GNAQ: variants seen among roughly 807,000 people sequenced by gnomAD.
The protein encoded by GNAQ is G protein subunit alpha q, also known as guanine nucleotide-binding protein G(q) subunit alpha.
In GNAQ, 8 loss-of-function variants were observed where a neutral mutation model predicts 43.9. That is an observed-to-expected ratio of 0.18 (90% confidence interval 0.11 to 0.33). The LOEUF (loss-of-function observed/expected upper bound fraction) is 0.33, where lower values mean the gene tolerates loss of function less well. Ranked by LOEUF, GNAQ falls within the 10% of genes least tolerant of loss-of-function variation. GNAQ has a pLI of 1.00. For missense variants in GNAQ, 158 were observed against 450.8 expected, an observed-to-expected ratio of 0.35 and a Z score of 5.88; for synonymous variants, 155 against 170.7, an observed-to-expected ratio of 0.91 and a Z score of 0.71.
At chr9:77,823,139 C>T (rs1587932972) in intron 2 of GNAQ, among the ~76,000 whole-genome samples, 1 of 151,818 alleles carries the variant, frequency 6.6e-6, no homozygotes, top group African/African-American at 2.4e-5. Flanking sequence ...TGGGGTTTCA[C>T]CGTGTTAGCC....
chr9:78,005,676 A>T (rs1423939828), intron 1 of GNAQ, among the ~76,000 whole-genome samples: 1 of 152,174 alleles, frequency 6.6e-6, no homozygotes, highest in African/African-American at 2.4e-5. Context: ...AACTTGGTGC[A>T]GTAGTGCATG....
intron 5 of GNAQ, among the ~76,000 whole-genome samples, chr9:77,765,097 C>A (rs1213546059): frequency 6.6e-6 from 1 of 151,868 alleles, no homozygotes; most frequent in East Asian, 1.9e-4. Context: ...GGACATTTGG[C>A]TAACTTGAGC....
intron 2 of GNAQ, among the ~76,000 whole-genome samples, chr9:77,837,453 C>G (rs1357239204): frequency 1.3e-5 from 2 of 152,090 alleles, no homozygotes; most frequent in Non-Finnish European, 2.9e-5. Flanking sequence ...ACTCGGGTGG[C>G]TGAAGCAGGA....
At chr9:77,764,257 A>G (rs1265866131) in intron 5 of GNAQ, among the ~76,000 whole-genome samples, 1 of 152,166 alleles carries the variant, frequency 6.6e-6, no homozygotes, top group East Asian at 1.9e-4. Flanking sequence ...CTTAATTTAA[A>G]GATAAAGGCA....
intron 2 of GNAQ, among the ~76,000 whole-genome samples, chr9:77,817,210 C>T (rs1235541642): frequency 2.6e-5 from 4 of 152,190 alleles, no homozygotes; most frequent in African/African-American, 2.4e-5. Context: ...GAAAACAGAG[C>T]ATCACTGGCT....
At chr9:77,970,607 C>T (rs1015029004) in intron 1 of GNAQ, among the ~76,000 whole-genome samples, 1 of 152,112 alleles carries the variant, frequency 6.6e-6, no homozygotes, top group Non-Finnish European at 1.5e-5. Flanking sequence ...AAAGACACAG[C>T]GTACCAGAAT....
At chr9:77,981,854 T>C (rs1204140599) in intron 1 of GNAQ, among the ~76,000 whole-genome samples, 1 of 152,242 alleles carries the variant, frequency 6.6e-6, no homozygotes, top group African/African-American at 2.4e-5. Flanking sequence ...TTTACCTTGA[T>C]TGGAATTCCC....
At chr9:77,905,160 ATG>A (rs1226124456) in intron 2 of GNAQ, among the ~76,000 whole-genome samples, 1 of 152,244 alleles carries the variant, frequency 6.6e-6, no homozygotes, top group Non-Finnish European at 1.5e-5. Context: ...CATTCATTGA[ATG>A]TGGAACTTGG....
In GNAQ at chr9:77,736,265, G is replaced by A. The variant is rs185190898; in HGVS notation, c.736-7598C>T. Reference sequence around the variant, plus strand: ...CAAAATCTCTAAAGATGCTCAATACGCTCAACCCCAGAGCAAACCAAGAAA... The same window carrying A: ...CAAAATCTCTAAAGATGCTCAATACACTCAACCCCAGAGCAAACCAAGAAA... On this transcript the variant is annotated intron_variant, in intron 5 of 6. Transcript: ENST00000286548. 1.2e-4 allele frequency among the ~76,000 whole-genome samples: 18 copies of A among 152,184 alleles called. No individual in the cohort carries two copies. In the East Asian group the frequency reaches 3.1e-3, roughly 26 times the overall value.
At chr9:77,775,567 G>A (rs1451130276) in intron 5 of GNAQ, among the ~76,000 whole-genome samples, 3 of 151,774 alleles carry the variant, frequency 2.0e-5, no homozygotes, top group Non-Finnish European at 1.5e-5. Flanking sequence ...CCGCCACCAC[G>A]CCCAGCTAAA....
At chr9:77,746,711 G>C (rs533970004) in intron 5 of GNAQ, among the ~76,000 whole-genome samples, 2 of 152,274 alleles carry the variant, frequency 1.3e-5, no homozygotes, top group South Asian at 4.1e-4. Context: ...TTATATAACT[G>C]TTGAAAGGAT....
At chr9:77,863,975 C>T (rs1464052867) in intron 2 of GNAQ, among the ~76,000 whole-genome samples, 1 of 152,148 alleles carries the variant, frequency 6.6e-6, no homozygotes, top group South Asian at 2.1e-4. Context: ...CACAGCCAAA[C>T]CACATCACTG....
chr9:77,996,212 C>T (rs1259663040), intron 1 of GNAQ, among the ~76,000 whole-genome samples: 3 of 152,170 alleles, frequency 2.0e-5, no homozygotes, highest in Non-Finnish European at 4.4e-5. Context: ...TTTCTACCTA[C>T]TTATCTTGAA....
At chr9:77,993,473 C>CA (rs1244529409) in intron 1 of GNAQ, among the ~76,000 whole-genome samples, 1 of 151,982 alleles carries the variant, frequency 6.6e-6, no homozygotes, top group Non-Finnish European at 1.5e-5. Flanking sequence ...CTGAGGCGGG[C>CA]AGATCACGAG....
At chr9:77,912,068 G>A (rs913539994) in intron 2 of GNAQ, among the ~76,000 whole-genome samples, 1 of 152,172 alleles carries the variant, frequency 6.6e-6, no homozygotes, top group African/African-American at 2.4e-5. Context: ...TTCTTTAAAA[G>A]TACACAGGAA....
At chr9:77,924,711 T>G (rs140386361) in intron 1 of GNAQ, among the ~76,000 whole-genome samples, 12 of 152,256 alleles carry the variant, frequency 7.9e-5, no homozygotes, top group Non-Finnish European at 1.6e-4. Context: ...CACACTAATG[T>G]AGACTCCAAG....
intron 1 of GNAQ, among the ~76,000 whole-genome samples, chr9:78,019,664 T>C (rs1339602910): frequency 6.6e-6 from 1 of 152,116 alleles, no homozygotes; most frequent in Non-Finnish European, 1.5e-5. Context: ...GGCTCAAGCC[T>C]ATAATCCCAA....
At chr9:77,852,413 G>C (rs1827685732) in intron 2 of GNAQ, among the ~76,000 whole-genome samples, 1 of 152,200 alleles carries the variant, frequency 6.6e-6, no homozygotes, top group Non-Finnish European at 1.5e-5. Flanking sequence ...GAGTATAACT[G>C]TTCAGTGGCA....
At chr9:77,800,646 G>A (rs1050511473) in intron 3 of GNAQ, among the ~76,000 whole-genome samples, 4 of 151,992 alleles carry the variant, frequency 2.6e-5, no homozygotes, top group African/African-American at 9.7e-5. Flanking sequence ...CACCAGCATG[G>A]CACATGTATA....
Sources: allele counts gnomAD v4.1 joint callset (sites outside exome capture counted in the v4.1 genomes callset), GRCh38; gene constraint gnomAD v4.1.1; transcripts MANE v1.5; gene names NCBI Gene and HGNC (gene_info 2026-07-23, HGNC 2026-07-21).